The following TBC1D1 variants were observed in gnomAD, a reference collection of about 807,000 sequenced individuals.
TBC1D1 encodes the protein TBC1 domain family member 1, also known as TBC1 (tre-2/USP6, BUB2, cdc16) domain family, member 1.
Under a neutral mutation model 125.6 loss-of-function variants are expected in TBC1D1, and 89 were observed. The ratio of observed to expected loss-of-function variants is 0.71; its 90% CI spans 0.60 to 0.85. The LOEUF is 0.85. Among genes scored for constraint, TBC1D1 ranks in the 40% least tolerant of loss-of-function variants. The probability of loss-of-function intolerance (pLI) is 0.00; values close to 1 mark genes in which losing one functional copy is unlikely to be tolerated. For synonymous variants in TBC1D1, 565 were observed against 564.1 expected (o/e 1.00, Z -0.02); for missense variants, 1,377 against 1,469.2 (o/e 0.94, Z 1.03).
Position 38,137,121 on chromosome 4 carries a change from C to G in TBC1D1, c.3307-14C>G. 6.2e-7 allele frequency: 1 copy of G among 1,612,930 alleles called. No individual in the cohort carries two copies. Among genetic ancestry groups the G allele is most frequent in the South Asian group, 1.1e-5 (1 of 91,028 alleles). The stretch of plus-strand genomic sequence containing the variant: ...ACTGGCAATTGTATTCTCATTTCTT[C>G]TTTTATTCTCCAGGTGGCAAATGGT... On this transcript the variant is annotated splice_polypyrimidine_tract_variant and intron_variant, in intron 19 of 19. Transcript: ENST00000261439.
At chr4:38,119,074 T>TA (rs922944715) in intron 17 of TBC1D1, among the ~76,000 whole-genome samples, 1 of 152,122 alleles carries the variant, frequency 6.6e-6, no homozygotes, top group Non-Finnish European at 1.5e-5. Context: ...AGGAGGCTAC[T>TA]AAAAAAATGA....
intron 2 of TBC1D1, among the ~76,000 whole-genome samples, chr4:37,986,412 A>G (rs563465794): frequency 3.4e-4 from 52 of 152,350 alleles, no homozygotes; most frequent in African/African-American, 1.2e-3. Context: ...ATGCACATCT[A>G]TCAAACAATA....
rs1278775126 is a variant in TBC1D1, at chr4:37,995,950, CTTCT to C, written c.418-18553_418-18550del. 1.2e-4 allele frequency: 67 copies of C among 568,404 alleles called. 1 individual carries two copies. The East Asian group carries it at 2.8e-3, about 24-fold the overall frequency. The allele number at this position is 568,404 out of a possible 1,614,324, so 35.2% of individuals were successfully genotyped here. A position where few individuals can be genotyped will look rare whatever the true frequency, so the allele number is the denominator to read the frequency against. On this transcript the variant is annotated intron_variant, in intron 2 of 19. Coordinates refer to ENST00000261439, the MANE Select transcript of TBC1D1 (RefSeq NM_015173.4). This position sits in a 1 kb window ranked among gnomAD's most constrained non-coding sequence, Gnocchi z 4.3. ...CCAGGGAGAAATCCACACTCAAGGA[CTTCT>C]TTCTTCTCTTGCCTCTCTGTTTCTA... is the stretch of plus-strand genomic sequence containing the variant.
chr4:38,022,989 G>A (rs1295270869), intron 6 of TBC1D1, among the ~76,000 whole-genome samples: 1 of 152,084 alleles, frequency 6.6e-6, no homozygotes, highest in Admixed American at 6.6e-5. Flanking sequence ...GGCTGAGGTG[G>A]GCAGATCACT....
At chr4:38,136,224 A>G (rs995633613) in intron 19 of TBC1D1, among the ~76,000 whole-genome samples, 7 of 152,172 alleles carry the variant, frequency 4.6e-5, no homozygotes, top group African/African-American at 1.7e-4. Flanking sequence ...CAGTTGCTAG[A>G]AAGATACACC....
intron 12 of TBC1D1, among the ~76,000 whole-genome samples, chr4:38,085,124 A>G (rs1267781052): frequency 6.6e-6 from 1 of 152,240 alleles, no homozygotes; most frequent in Admixed American, 6.5e-5. Flanking sequence ...GCAGATAGAA[A>G]GAATGCAACA....
At chr4:38,044,675 T>A (rs1749058866) in intron 9 of TBC1D1, among the ~76,000 whole-genome samples, 185 bp downstream of exon 9, 1 of 152,216 alleles carries the variant, frequency 6.6e-6, no homozygotes, top group Non-Finnish European at 1.5e-5. Context: ...TGGCCTAGGT[T>A]TAAAAAAAAT....
chr4:38,104,219 A>G (rs1211438013), intron 15 of TBC1D1, among the ~76,000 whole-genome samples: 1 of 151,658 alleles, frequency 6.6e-6, no homozygotes, highest in Non-Finnish European at 1.5e-5. Flanking sequence ...ATGTGCAAAC[A>G]TAGCACCATC....
chr4:38,033,561 T>A (rs780785540), intron 7 of TBC1D1, among the ~76,000 whole-genome samples: 1 of 152,212 alleles, frequency 6.6e-6, no homozygotes, highest in Admixed American at 6.5e-5. Context: ...TACATTGATA[T>A]TAACTAAAGT....
chr4:37,899,238 T>C (rs941833051), intron 1 of TBC1D1, among the ~76,000 whole-genome samples: 1 of 151,694 alleles, frequency 6.6e-6, no homozygotes, highest in Non-Finnish European at 1.5e-5. Context: ...TGAGTAGTGA[T>C]GCTATTCACC....
intron 18 of TBC1D1, among the ~76,000 whole-genome samples, chr4:38,131,558 C>T (rs1403747088): frequency 1.3e-5 from 2 of 152,150 alleles, no homozygotes; most frequent in African/African-American, 4.8e-5. Flanking sequence ...GGAGTTGCCT[C>T]GTTTAATTCT....
At chr4:38,003,249 T>TAAGG (rs1473961037) in intron 2 of TBC1D1, among the ~76,000 whole-genome samples, 3 of 152,306 alleles carry the variant, frequency 2.0e-5, no homozygotes, top group Non-Finnish European at 4.4e-5. Context: ...GTGTATTTTG[T>TAAGG]AAGGTAGTGG....
At chr4:38,105,404 C>T (rs914927611) in intron 15 of TBC1D1, among the ~76,000 whole-genome samples, 4 of 152,084 alleles carry the variant, frequency 2.6e-5, no homozygotes, top group African/African-American at 7.2e-5. Flanking sequence ...GCCGATTTGC[C>T]GCTAATCAGT....
intron 17 of TBC1D1, among the ~76,000 whole-genome samples, chr4:38,122,548 A>G (rs988569785): frequency 2.0e-5 from 3 of 152,326 alleles, no homozygotes; most frequent in Non-Finnish European, 4.4e-5. Context: ...TTCTTCAAGC[A>G]GTCACCTTTC....
intron 2 of TBC1D1, among the ~76,000 whole-genome samples, chr4:37,926,915 A>G (rs1419477056): frequency 3.3e-4 from 50 of 152,196 alleles, no homozygotes; most frequent in Non-Finnish European, 3.8e-4. Context: ...CCAGGAGTTC[A>G]AGATCACTCT....
At chr4:37,913,147 A>G (rs939398469) in intron 2 of TBC1D1, among the ~76,000 whole-genome samples, 1 of 152,154 alleles carries the variant, frequency 6.6e-6, no homozygotes, top group Non-Finnish European at 1.5e-5. Context: ...TCAATACCCA[A>G]CAGAGTTTTA....
Position 37,902,593 on chromosome 4 carries a change from T to C in TBC1D1, c.417+81T>C, listed in dbSNP as rs555486405. 8.0e-6 allele frequency: 9 copies of C among 1,129,620 alleles called. No individual in the cohort carries two copies. The Admixed American group carries it at 1.6e-4, about 21-fold the overall frequency. The allele number at this position is 1,129,620 out of a possible 1,614,324, so 70.0% of individuals were successfully genotyped here. On this transcript the variant is annotated intron_variant, in intron 2 of 19. Coordinates refer to ENST00000261439, the MANE Select transcript of TBC1D1 (RefSeq NM_015173.4). ...TGGGGGTCAGGATATTTATTTTAAG[T>C]ATACTGAAATGAATAAGGAATTAAT...
At chr4:37,991,119 T>TG in intron 2 of TBC1D1, among the ~76,000 whole-genome samples, 1 of 152,262 alleles carries the variant, frequency 6.6e-6, no homozygotes, top group East Asian at 1.9e-4. Flanking sequence ...AGAAAGCAGG[T>TG]GGGGAACTGT....
chr4:37,935,066 C>T (rs925392761), intron 2 of TBC1D1, among the ~76,000 whole-genome samples: 1 of 152,184 alleles, frequency 6.6e-6, no homozygotes, highest in African/African-American at 2.4e-5. Flanking sequence ...CATGTCATTT[C>T]CACTCACATT....
Sources: gnomAD v4.1 joint callset for allele counts (sites outside exome capture counted in the v4.1 genomes callset) on GRCh38, gnomAD v4.1.1 for gene constraint, Gnocchi (gnomAD v3.1) non-coding constraint, MANE v1.5 for transcripts, NCBI Gene and HGNC (gene_info 2026-07-23, HGNC 2026-07-21) for gene names.